Variants in CELF2 observed in about 807,000 individuals in gnomAD.
The protein encoded by CELF2 is CUGBP Elav-like family member 2.
Under a neutral mutation model 62.6 loss-of-function variants are expected in CELF2, and 8 were observed. The observed-to-expected ratio is 0.13, with a 90% CI of 0.07 to 0.23. CELF2 has a LOEUF of 0.23. Ranked by LOEUF, CELF2 falls within the 10% of genes least tolerant of loss-of-function variation. The pLI, the probability that CELF2 is intolerant of heterozygous loss-of-function variation, is 1.00. For missense variants in CELF2, 333 were observed against 671.0 expected (o/e 0.50, Z 5.56); for synonymous variants, 258 against 250.0 (o/e 1.03, Z -0.30).
chr10:11,043,828 CG>C (rs978576471), intron 1 of CELF2, among the ~76,000 whole-genome samples: 1 of 152,156 alleles, frequency 6.6e-6, no homozygotes, highest in Admixed American at 6.5e-5. Flanking sequence ...AGATTGTGCT[CG>C]GATCCCCCAG....
At chr10:10,629,798 C>T in the CELF2 span, among the ~76,000 whole-genome samples, 309 of 133,862 alleles carry the variant, frequency 2.3e-3, 1 homozygote, top group African/African-American at 8.6e-3. Flanking sequence ...ACACATTGCA[C>T]GTGATGTCAT....
At chr10:11,072,202 T>C (rs1199895543) in intron 1 of CELF2, among the ~76,000 whole-genome samples, 2 of 152,192 alleles carry the variant, frequency 1.3e-5, no homozygotes, top group Admixed American at 1.3e-4. Context: ...TTTCAGCCCA[T>C]GGAAGACACT....
intron 3 of CELF2, among the ~76,000 whole-genome samples, chr10:11,239,920 G>A (rs948639527): frequency 8.5e-5 from 13 of 152,272 alleles, no homozygotes; most frequent in South Asian, 6.2e-4. Context: ...CAGGCCTGGT[G>A]CAGGCGCCTG....
chr10:10,827,353 C>T (rs1394907891), intron 1 of CELF2, among the ~76,000 whole-genome samples: 1 of 152,182 alleles, frequency 6.6e-6, no homozygotes, highest in African/African-American at 2.4e-5. Context: ...ACTGCTAACA[C>T]TCTCACTTCT....
chr10:10,573,824 A>G, the CELF2 span, among the ~76,000 whole-genome samples: 1 of 147,198 alleles, frequency 6.8e-6, no homozygotes, highest in African/African-American at 2.7e-5. Context: ...CACACATTTA[A>G]GGTGATGATT....
At chr10:10,813,563 G>C (rs541121567) in intron 1 of CELF2, among the ~76,000 whole-genome samples, 1 of 152,334 alleles carries the variant, frequency 6.6e-6, no homozygotes, top group South Asian at 2.1e-4. Flanking sequence ...CTTCGCATGT[G>C]TCCTTCCTTG....
rs2074474824 is a variant in CELF2 at position 11,243,084 on chromosome 10, A to G, written c.355-6069A>G. Among the ~76,000 whole-genome samples, 1 of 152,132 alleles carries G rather than the reference A, an allele frequency of 6.6e-6. No homozygotes were observed. The highest frequency in any genetic ancestry group is 2.4e-5 in the African/African-American group (1 of 41,422). ...AGCCCAAGCAGACCCCTGAAGGACT[A>G]TATCTCTGTGTGCCGAGATGCTCCC... On this transcript the variant is annotated intron_variant, in intron 3 of 12. Coordinates refer to ENST00000633077, the MANE Select transcript of CELF2 (RefSeq NM_001326342.2). This position sits in a 1 kb window ranked among gnomAD's most constrained non-coding sequence, Gnocchi z 4.1.
At chr10:10,504,148 A>T in the CELF2 span, among the ~76,000 whole-genome samples, 6 of 152,040 alleles carry the variant, frequency 3.9e-5, no homozygotes, top group African/African-American at 1.4e-4. Context: ...AGTTGTATTA[A>T]CTACATTATT....
the CELF2 span, among the ~76,000 whole-genome samples, chr10:10,706,409 A>G: frequency 6.6e-6 from 1 of 152,290 alleles, no homozygotes; most frequent in East Asian, 1.9e-4. Flanking sequence ...CCCTGTTCAT[A>G]TGACTACTCC....
At chr10:10,779,060 A>T in the CELF2 span, among the ~76,000 whole-genome samples, 2 of 152,330 alleles carry the variant, frequency 1.3e-5, no homozygotes, top group Admixed American at 6.5e-5. Flanking sequence ...CCTAACAGGT[A>T]CTGGGCATTT....
intron 1 of CELF2, among the ~76,000 whole-genome samples, chr10:11,024,690 C>G (rs562632592): frequency 6.6e-6 from 1 of 152,266 alleles, no homozygotes; most frequent in African/African-American, 2.4e-5. Context: ...ATGCAGTGCT[C>G]TCTGTCATAA....
intron 1 of CELF2, among the ~76,000 whole-genome samples, chr10:11,106,107 A>AT (rs1173534227): frequency 1.3e-5 from 2 of 152,176 alleles, no homozygotes; most frequent in Non-Finnish European, 1.5e-5. Context: ...TGTCTTGATC[A>AT]TTTTTGGAAG....
chr10:10,976,782 C>T (rs926216277), intron 2 of CELF2, among the ~76,000 whole-genome samples: 3 of 152,166 alleles, frequency 2.0e-5, no homozygotes, highest in African/African-American at 7.2e-5. Flanking sequence ...CTTTCAGGGT[C>T]TGACTTCCTG....
chr10:10,992,427 C>T (rs1391802630), intron 2 of CELF2, among the ~76,000 whole-genome samples: 1 of 152,152 alleles, frequency 6.6e-6, no homozygotes, highest in Non-Finnish European at 1.5e-5. Context: ...ATGATGAAAG[C>T]AAGTGGCATT....
chr10:11,295,754 A>G, intron 9 of CELF2, among the ~76,000 whole-genome samples: 1 of 152,354 alleles, frequency 6.6e-6, no homozygotes, highest in East Asian at 1.9e-4. Flanking sequence ...GGAGAACAGT[A>G]GTTGGAAACA....
At chr10:10,792,467 A>G in the CELF2 span, 442 of 398,340 alleles carry the variant, frequency 1.1e-3, 1 homozygote, top group Non-Finnish European at 1.5e-3. Flanking sequence ...GCAACTTGGC[A>G]ACTGTATTCG....
At chr10:10,964,135 C>A (rs757404470) in intron 2 of CELF2, among the ~76,000 whole-genome samples, 13 of 152,120 alleles carry the variant, frequency 8.5e-5, no homozygotes, top group Non-Finnish European at 1.9e-4. Context: ...CACTATTTTG[C>A]AATTATTGGA....
At chr10:10,810,401 G>A (rs565280904) in intron 1 of CELF2, among the ~76,000 whole-genome samples, 1 of 152,116 alleles carries the variant, frequency 6.6e-6, no homozygotes, top group African/African-American at 2.4e-5. Flanking sequence ...ATCATCTCAT[G>A]GGGGAGGTGA....
rs762325061 is a variant in CELF2 at position 10,936,897 on chromosome 10, C to T, written c.89+16898C>T. Among the ~76,000 whole-genome samples the T allele has an allele frequency of 9.1e-4, 138 of 151,994 alleles. 1 individual carries two copies. The highest frequency in any genetic ancestry group is 5.4e-4 in the Non-Finnish European group (37 of 68,002). ...ATTCTGTATTTCTGACAAGCTCCCA[C>T]GGGGTTTCTGATGATTCTGGTCCTC... On this transcript the variant is annotated intron_variant, in intron 2 of 13. Transcript: ENST00000636488. This position sits in a 1 kb window ranked among gnomAD's most constrained non-coding sequence, Gnocchi z 4.0.
Sources: allele counts gnomAD v4.1 joint callset (sites outside exome capture counted in the v4.1 genomes callset), GRCh38; gene constraint gnomAD v4.1.1; non-coding constraint Gnocchi (gnomAD v3.1); transcripts MANE v1.5; gene names NCBI Gene and HGNC (gene_info 2026-07-23, HGNC 2026-07-21).